The following PSAT1 variants were observed in gnomAD, a reference collection of about 807,000 sequenced individuals.
The protein encoded by PSAT1 is phosphoserine aminotransferase.
Under a neutral mutation model 40.3 loss-of-function variants are expected in PSAT1, and 41 were observed. That is an observed-to-expected ratio of 1.02 (90% CI 0.79 to 1.32). The LOEUF (loss-of-function observed/expected upper bound fraction) is 1.32, where lower values mean the gene tolerates loss of function less well. Ranked by LOEUF, PSAT1 falls within the 40% of genes most tolerant of loss-of-function variation. PSAT1 has a pLI of 0.00. For missense variants in PSAT1, 406 were observed against 455.8 expected (o/e 0.89, Z 0.99); for synonymous variants, 147 against 170.5 (o/e 0.86, Z 1.07).
In PSAT1 at chr9:78,306,369, T is replaced by G; in HGVS notation, c.453T>G (p.Tyr151Ter). The G allele has an allele frequency of 6.2e-7, 1 of 1,613,340 alleles. No homozygotes were observed. Among genetic ancestry groups the G allele is most frequent in the Non-Finnish European group, 8.5e-7 (1 of 1,179,996 alleles). The change falls in exon 5 of 9, where the codon TAT (tyrosine) becomes TAG (stop). Residue 151 changes from tyrosine to a stop codon, truncating the protein, a stop_gained. Coordinates refer to ENST00000376588, the MANE Select transcript of PSAT1 (RefSeq NM_058179.4). LOFTEE classifies it high-confidence loss of function. ...ACCCAGATGCCTCCTACGTGTATTA[T>G]TGCGCAAATGAGACGGTGCATGGTG... ...NLNPDASYVY[Y>*]CANETVHGVE...
At chr9:78,319,539 G>A (rs757722438) in intron 7 of PSAT1, among the ~76,000 whole-genome samples, 3 of 152,242 alleles carry the variant, frequency 2.0e-5, no homozygotes, top group Admixed American at 6.5e-5. Context: ...AGACCTTGAT[G>A]TGTGAGTTTG....
In PSAT1 at chr9:78,297,138, G is replaced by T; in HGVS notation, c.-73G>T. The T allele has an allele frequency of 1.4e-6, 2 of 1,469,564 alleles. No individual in the cohort carries two copies. Among genetic ancestry groups the T allele is most frequent in the South Asian group, 1.2e-5 (1 of 83,128 alleles). The allele number at this position is 1,469,564 out of a possible 1,614,324, so 91.0% of individuals were successfully genotyped here. Reference sequence around the variant, plus strand: ...TCGGGGCCGGCTGCAGACTCTCACCGCAGCGGCCAGGAACGCCAGCCGTTC... The same window carrying T: ...TCGGGGCCGGCTGCAGACTCTCACCTCAGCGGCCAGGAACGCCAGCCGTTC... On this transcript the variant is annotated 5_prime_UTR_variant, in exon 1 of 9. Coordinates refer to ENST00000376588, the MANE Select transcript of PSAT1 (RefSeq NM_058179.4).
chr9:78,314,001 A>G (rs1587641538), intron 6 of PSAT1, among the ~76,000 whole-genome samples: 1 of 152,288 alleles, frequency 6.6e-6, no homozygotes, highest in Non-Finnish European at 1.5e-5. Context: ...ACCTCGATTT[A>G]TTTAATCATT....
At chr9:78,309,374 T>C (rs1828233393) in intron 6 of PSAT1, among the ~76,000 whole-genome samples, 1 of 152,246 alleles carries the variant, frequency 6.6e-6, no homozygotes, top group Non-Finnish European at 1.5e-5. Context: ...TTGTTGTTGT[T>C]GTTTTTTGAG....
chr9:78,329,124 C>T lies in PSAT1; in HGVS notation c.*38C>T. The T allele has an allele frequency of 6.9e-7, 1 of 1,444,002 alleles. No homozygotes were observed. The highest frequency in any genetic ancestry group is 1.4e-5 in the African/African-American group (1 of 71,484). 89.4% of individuals were successfully genotyped at this position (1,444,002 alleles called of 1,614,324 possible). A position where few individuals can be genotyped will look rare whatever the true frequency, so the allele number is the denominator to read the frequency against. On this transcript the variant is annotated 3_prime_UTR_variant, in exon 9 of 9. Transcript: ENST00000376588. ...CAGGATATACTCTGTTCTTGAACAACATACAAAGTTTAAAGTAACTTGGGG... is the reference window on the plus strand; with the variant it reads ...CAGGATATACTCTGTTCTTGAACAATATACAAAGTTTAAAGTAACTTGGGG...
At chr9:78,311,619 G>C (rs1448926171) in intron 6 of PSAT1, among the ~76,000 whole-genome samples, 1 of 151,998 alleles carries the variant, frequency 6.6e-6, no homozygotes, top group Admixed American at 6.6e-5. Context: ...GGATCACAAG[G>C]TCAGGAAATC....
intron 6 of PSAT1, 21 bp downstream of exon 6, chr9:78,308,604 T>G (rs1332761192): frequency 1.2e-6 from 2 of 1,613,524 alleles, no homozygotes; most frequent in Non-Finnish European, 8.5e-7. Flanking sequence ...GAGTCAGTCT[T>G]GTGGACCCAG....
intron 6 of PSAT1, among the ~76,000 whole-genome samples, chr9:78,313,321 T>C (rs1293356847): frequency 1.3e-5 from 2 of 152,150 alleles, no homozygotes; most frequent in Non-Finnish European, 2.9e-5. Flanking sequence ...GCTGAGATCG[T>C]GCCACTGCAC....
chr9:78,311,668 C>T (rs761503507), intron 6 of PSAT1, among the ~76,000 whole-genome samples: 10 of 151,984 alleles, frequency 6.6e-5, no homozygotes, highest in Non-Finnish European at 1.3e-4. Flanking sequence ...CCCGTCTCTA[C>T]TAAAAATACA....
In PSAT1 at chr9:78,298,252, G is replaced by A. The variant is rs552128311; in HGVS notation, c.60+982G>A. ...GCCTTGAGCCCATTGTCAGGCGGCT[G>A]CCGCCGCCGTTAGATTTTTATTTTT... is the stretch of plus-strand genomic sequence containing the variant. On this transcript the variant is annotated intron_variant, in intron 1 of 8. Coordinates refer to ENST00000376588, the MANE Select transcript of PSAT1 (RefSeq NM_058179.4). The A allele has an allele frequency of 1.4e-3, 1,375 of 984,310 alleles. 2 individuals are homozygous for A. Among genetic ancestry groups the A allele is most frequent in the Non-Finnish European group, 1.5e-3 (1,279 of 829,386 alleles). The allele number at this position is 984,310 out of a possible 1,614,324, so 61.0% of individuals were successfully genotyped here.
intron 6 of PSAT1, among the ~76,000 whole-genome samples, chr9:78,316,381 G>A (rs1038217248): frequency 1.3e-5 from 2 of 152,156 alleles, no homozygotes; most frequent in Admixed American, 6.5e-5. Context: ...TTCTCTCAGC[G>A]GGAATGTTGG....
intron 7 of PSAT1, among the ~76,000 whole-genome samples, chr9:78,323,037 T>C (rs1354783110): frequency 6.6e-6 from 1 of 152,166 alleles, no homozygotes; most frequent in Non-Finnish European, 1.5e-5. Flanking sequence ...CTGGGTACAG[T>C]GGTGTGCACA....
intron 6 of PSAT1, among the ~76,000 whole-genome samples, chr9:78,309,175 G>A (rs868196374): frequency 1.3e-5 from 2 of 152,118 alleles, no homozygotes; most frequent in South Asian, 2.1e-4. Context: ...TCCAGGATCC[G>A]GTGGTTCACC....
chr9:78,326,955 A>ATATAAATTTTTTTTTTTT, intron 7 of PSAT1, among the ~76,000 whole-genome samples: 3 of 75,964 alleles, frequency 3.9e-5, no homozygotes, highest in African/African-American at 2.8e-4. Context: ...ATATATATAT[A>ATATAAATTTTTTTTTTTT]TTTTTTTTTT....
At chr9:78,318,876 G>A (rs1828388246) in intron 7 of PSAT1, among the ~76,000 whole-genome samples, 1 of 152,190 alleles carries the variant, frequency 6.6e-6, no homozygotes, top group South Asian at 2.1e-4. Flanking sequence ...ATGCCAGATG[G>A]GAAGCACCTA....
At chr9:78,306,634 G>T in intron 5 of PSAT1, 148 bp downstream of exon 5, 2 of 1,000,612 alleles carry the variant, frequency 2.0e-6, no homozygotes. Context: ...AGGCTGCCAG[G>T]TGCGAATTCC....
chr9:78,312,621 A>G (rs1018699327), intron 6 of PSAT1, among the ~76,000 whole-genome samples: 4 of 152,186 alleles, frequency 2.6e-5, no homozygotes, highest in African/African-American at 9.7e-5. Context: ...ACTTGAATCC[A>G]GGGGGCAGAA....
intron 7 of PSAT1, among the ~76,000 whole-genome samples, chr9:78,326,138 T>C (rs563765176): frequency 1.5e-3 from 235 of 152,248 alleles, no homozygotes; most frequent in Non-Finnish European, 2.2e-3. Context: ...GGCCTCTCTT[T>C]TGCTTGAAGC....
At chr9:78,304,078 G>A (rs1828145962) in intron 3 of PSAT1, among the ~76,000 whole-genome samples, 1 of 152,170 alleles carries the variant, frequency 6.6e-6, no homozygotes, top group Non-Finnish European at 1.5e-5. Context: ...TTCATAGCAT[G>A]TTGCATAACA....
Sources: gnomAD v4.1 joint callset for allele counts (sites outside exome capture counted in the v4.1 genomes callset) on GRCh38, gnomAD v4.1.1 for gene constraint, MANE v1.5 for transcripts, NCBI Gene and HGNC (gene_info 2026-07-23, HGNC 2026-07-21) for gene names.